The following ADAMTS5 variants were observed in gnomAD, a reference collection of about 807,000 sequenced individuals.
The protein encoded by ADAMTS5 is ADAM metallopeptidase with thrombospondin type 1 motif 5.
In ADAMTS5, 54 loss-of-function variants were observed where a neutral mutation model predicts 81.4. That is an observed-to-expected ratio of 0.66 (90% CI 0.53 to 0.83). The LOEUF (loss-of-function observed/expected upper bound fraction) is 0.83, where lower values mean the gene tolerates loss of function less well. ADAMTS5 is among the 40% of genes least tolerant of loss of function. The probability of loss-of-function intolerance (pLI) is 0.00; values close to 1 mark genes in which losing one functional copy is unlikely to be tolerated. For synonymous variants in ADAMTS5, 532 were observed against 508.8 expected, an observed-to-expected ratio of 1.05 and a Z score of -0.61; for missense variants, 1,194 against 1,229.9, an observed-to-expected ratio of 0.97 and a Z score of 0.44.
In ADAMTS5 at chr21:26,954,746, G is replaced by A. The variant is rs1003990346; in HGVS notation, c.1230C>T (p.His410=). 1.3e-5 allele frequency: 21 copies of A among 1,613,584 alleles called. No homozygotes were observed. Among genetic ancestry groups the A allele is most frequent in the Middle Eastern group, 3.3e-4 (2 of 6,076 alleles). The change falls in exon 2 of 8, where the codon CAC becomes CAT. Residue 410 remains histidine, a synonymous_variant. Transcript: ENST00000284987. The part of the protein sequence containing the change: ...DGLHAAFTVA[H]EIGHLLGLSH... ...AGAAAAGGCGCTGCATACCGATTTC[G>A]TGAGCCACAGTGAAGGCTGCGTGGA...
rs769675420 is a variant in ADAMTS5 at position 26,918,161 on chromosome 21, T to G, written c.*5892A>C. The G allele has an allele frequency of 1.4e-4, 22 of 152,536 alleles. No individual in the cohort carries two copies. Among genetic ancestry groups the G allele is most frequent in the Admixed American group, 1.3e-3 (20 of 15,240 alleles). The allele number at this position is 152,536 out of a possible 1,614,324, so 9.4% of individuals were successfully genotyped here. A position where few individuals can be genotyped will look rare whatever the true frequency, so the allele number is the denominator to read the frequency against. ...TAAATAGTTGATTAAGATTTGAAGG[T>G]TGCCAAAGCTGAGAGACATTTTAAA... On this transcript the variant is annotated 3_prime_UTR_variant, in exon 8 of 8. Transcript: ENST00000284987.
At chr21:26,951,243 C>T (rs1406722654) in intron 2 of ADAMTS5, among the ~76,000 whole-genome samples, 1 of 152,088 alleles carries the variant, frequency 6.6e-6, no homozygotes, top group Admixed American at 6.6e-5. Context: ...TATCCTTTTA[C>T]TGCTTATAGA....
intron 2 of ADAMTS5, among the ~76,000 whole-genome samples, chr21:26,946,048 T>G (rs1290870672): frequency 6.6e-6 from 1 of 151,822 alleles, no homozygotes; most frequent in African/African-American, 2.4e-5. Context: ...GCAGCGAGAG[T>G]CCTGGGCAAT....
chr21:26,947,654 C>T (rs900410377), intron 2 of ADAMTS5, among the ~76,000 whole-genome samples: 3 of 152,064 alleles, frequency 2.0e-5, no homozygotes, highest in African/African-American at 4.8e-5. Flanking sequence ...GGGGTGGTCT[C>T]GAACTCCTGA....
At chr21:26,952,775 G>A (rs1423746787) in intron 2 of ADAMTS5, among the ~76,000 whole-genome samples, 1 of 152,192 alleles carries the variant, frequency 6.6e-6, no homozygotes, top group Non-Finnish European at 1.5e-5. Context: ...ATCAGCTTCT[G>A]CCTTTCCAGG....
At position 26,924,156 on chromosome 21, in the gene ADAMTS5, G is replaced by T; in HGVS notation, c.2690C>A (p.Thr897Asn). ...CSRTCDTGWH[T>N]RTVQCQDGNR... ...TCCATCCTGGCACTGCACCGTTCTG[G>T]TGTGCCAACCTGTGTCACAGGTCCT... Residue 897 changes from threonine (T) to asparagine (N), a missense_variant, in exon 8 of 8, where the codon ACC becomes AAC. Thr to Asn is a moderately conservative substitution (Grantham distance 65, BLOSUM62 0). Around this residue, in one of 2 missense-constraint regions of ADAMTS5, gnomAD observed 696 missense variants for 817.6 expected, o/e 0.85. Transcript: ENST00000284987. The T allele has an allele frequency of 6.2e-7, 1 of 1,614,168 alleles. No homozygotes were observed. The highest frequency in any genetic ancestry group is 8.5e-7 in the Non-Finnish European group (1 of 1,179,992).
intron 2 of ADAMTS5, among the ~76,000 whole-genome samples, chr21:26,953,660 T>G (rs1396737804): frequency 6.6e-6 from 1 of 152,190 alleles, no homozygotes; most frequent in Non-Finnish European, 1.5e-5. Flanking sequence ...AAATCTTTTT[T>G]GCTATAGATG....
In ADAMTS5 at chr21:26,955,124, A is replaced by G. The variant is rs538393047; in HGVS notation, c.1105-253T>C. On this transcript the variant is annotated intron_variant, in intron 1 of 7. Transcript: ENST00000284987. ...CTTAGGATTGTAACTTGTCTATTACAATAGCACCCGCAGCTTTAACAAAGC... is the reference window on the plus strand; with the variant it reads ...CTTAGGATTGTAACTTGTCTATTACGATAGCACCCGCAGCTTTAACAAAGC... 2.6e-5 allele frequency among the ~76,000 whole-genome samples: 4 copies of G among 152,330 alleles called. No homozygotes were observed. In the East Asian group the frequency reaches 7.7e-4, roughly 29 times the overall value.
chr21:26,964,631 C>T (rs34663667), intron 1 of ADAMTS5, among the ~76,000 whole-genome samples: 21,660 of 152,178 alleles, frequency 0.14, 2,030 homozygotes, highest in Non-Finnish European at 0.21. Flanking sequence ...ACAAGTTTGT[C>T]CTCTCATCTG....
chr21:26,932,282 T>A, intron 5 of ADAMTS5, 103 bp from the exon 6 acceptor site: 1 of 1,265,028 alleles, frequency 7.9e-7, no homozygotes, highest in South Asian at 1.6e-5. Flanking sequence ...GCAAACGTGT[T>A]TTTTTTATCC....
At chr21:26,928,857 C>A (rs754495820) in intron 7 of ADAMTS5, among the ~76,000 whole-genome samples, 53 of 152,040 alleles carry the variant, frequency 3.5e-4, no homozygotes, top group Non-Finnish European at 1.2e-4. Flanking sequence ...GAGTCCAACT[C>A]ATTTTTAAAA....
At position 26,963,641 on chromosome 21, in the gene ADAMTS5, C is replaced by CAAAAAAAAAAA. The variant is rs533760778; in HGVS notation, c.1104+1636_1104+1646dup. 1.3e-4 allele frequency among the ~76,000 whole-genome samples: 4 copies of CAAAAAAAAAAA among 29,994 alleles called. 1 individual carries two copies. Among genetic ancestry groups the CAAAAAAAAAAA allele is most frequent in the Non-Finnish European group, 2.1e-4 (3 of 14,202 alleles). 19.7% of individuals were successfully genotyped at this position (29,994 alleles called of 152,430 possible). On this transcript the variant is annotated intron_variant, in intron 1 of 7. Coordinates refer to ENST00000284987, the MANE Select transcript of ADAMTS5 (RefSeq NM_007038.5). ...ACCCCAGACACGGAAAGTTGCTTAC[C>CAAAAAAAAAAA]AAAAAAAAAAAAAAAAAAAAAAAAA...
rs1987623986 is a variant in ADAMTS5, at chr21:26,965,508, G to A, written c.884C>T (p.Ala295Val). ...RGLQHYLLTLASIANRLYSHA... is the reference protein window; with the variant it reads ...RGLQHYLLTLVSIANRLYSHA... ...GCTGTACAGCCTATTGGCGATGGAG[G>A]CCAGGGTCAGCAGGTAATGCTGCAG... The change falls in exon 1 of 8, where the codon GCC (alanine) becomes GTC (valine). Residue 295 changes from alanine (A) to valine (V), a missense_variant. Ala to Val is a moderately conservative substitution (Grantham distance 64). This residue lies in a region of ADAMTS5 where 696 missense variants were observed against 817.6 expected (regional missense o/e 0.85). Transcript: ENST00000284987. 1 of 1,614,188 alleles carries A rather than the reference G, an allele frequency of 6.2e-7. No homozygotes were observed. Among genetic ancestry groups the A allele is most frequent in the Non-Finnish European group, 8.5e-7 (1 of 1,180,012 alleles).
intron 3 of ADAMTS5, among the ~76,000 whole-genome samples, chr21:26,935,892 T>G (rs1409587739): frequency 2.6e-5 from 4 of 152,206 alleles, no homozygotes; most frequent in Non-Finnish European, 1.5e-5. Flanking sequence ...AGCAATAAAA[T>G]AACAAATATT....
intron 3 of ADAMTS5, among the ~76,000 whole-genome samples, chr21:26,936,997 T>TA (rs1027455533): frequency 9.9e-5 from 15 of 152,270 alleles, no homozygotes; most frequent in South Asian, 6.2e-4. Context: ...AGAAAGTTTT[T>TA]AAAAAAAATT....
chr21:26,946,554 C>T (rs1334867786), intron 2 of ADAMTS5, among the ~76,000 whole-genome samples: 1 of 152,112 alleles, frequency 6.6e-6, no homozygotes, highest in Non-Finnish European at 1.5e-5. Context: ...GTTCATAAAT[C>T]ATTCACAGAG....
rs945759050 is a variant in ADAMTS5 at position 26,919,040 on chromosome 21, C to T, written c.*5013G>A. ...TTTTGAGTATCAAGTTGTGCCCTAC[C>T]GTGACACAAAGCTTAGAGGTCTTTC... On this transcript the variant is annotated 3_prime_UTR_variant, in exon 8 of 8. Transcript: ENST00000284987. The T allele has an allele frequency of 6.6e-5, 10 of 151,842 alleles. No homozygotes were observed. The highest frequency in any genetic ancestry group is 1.7e-4 in the African/African-American group (7 of 41,354). 9.4% of individuals were successfully genotyped at this position (151,842 alleles called of 1,614,324 possible). A position where few individuals can be genotyped will look rare whatever the true frequency, so the allele number is the denominator to read the frequency against.
Position 26,965,780 on chromosome 21 carries a change from C to T in ADAMTS5, c.612G>A (p.Pro204=), listed in dbSNP as rs1205611997. 2 of 1,601,694 alleles carry T rather than the reference C, an allele frequency of 1.2e-6. No individual in the cohort carries two copies. Among genetic ancestry groups the T allele is most frequent in the African/African-American group, 1.3e-5 (1 of 74,688 alleles). The change falls in exon 1 of 8, where the codon CCG becomes CCA. Residue 204 remains proline (P), a synonymous_variant. Coordinates refer to ENST00000284987, the MANE Select transcript of ADAMTS5 (RefSeq NM_007038.5). ...TREGFSFEAL[P]PRASCETPAS... ...CGGGGGTTTCGCAGCTGGCGCGCGGCGGCAGGGCCTCGAAGCTGAAGCCCT... is the reference window on the plus strand; with the variant it reads ...CGGGGGTTTCGCAGCTGGCGCGCGGTGGCAGGGCCTCGAAGCTGAAGCCCT...
intron 2 of ADAMTS5, among the ~76,000 whole-genome samples, chr21:26,953,209 A>T (rs943399175): frequency 1.3e-5 from 2 of 152,212 alleles, no homozygotes; most frequent in Admixed American, 1.3e-4. Flanking sequence ...CAAAGTATCT[A>T]AATCACTTGT....
Sources: allele counts gnomAD v4.1 joint callset (sites outside exome capture counted in the v4.1 genomes callset), GRCh38; gene constraint gnomAD v4.1.1; regional missense constraint gnomAD v4.1.1; transcripts MANE v1.5; gene names NCBI Gene and HGNC (gene_info 2026-07-23, HGNC 2026-07-21).